Variants in ENOX1 observed in about 807,000 individuals in gnomAD.
ENOX1 encodes the protein ecto-NOX disulfide-thiol exchanger 1.
A neutral mutation model predicts 82.5 loss-of-function variants in ENOX1; 42 were observed. The ratio of observed to expected loss-of-function variants is 0.51; its 90% CI spans 0.40 to 0.66. The LOEUF is 0.66. Ranked by LOEUF, ENOX1 falls within the 30% of genes least tolerant of loss-of-function variation. ENOX1 has a pLI of 0.00. For synonymous variants in ENOX1, 271 were observed against 282.2 expected (o/e 0.96, Z 0.40); for missense variants, 608 against 811.6 (o/e 0.75, Z 3.05).
At chr13:43,406,707 A>T (rs2053821883) in intron 5 of ENOX1, among the ~76,000 whole-genome samples, 1 of 151,944 alleles carries the variant, frequency 6.6e-6, no homozygotes, top group Non-Finnish European at 1.5e-5. Flanking sequence ...GTTAGCCAGG[A>T]TAGTCTCAAT....
intron 15 of ENOX1, among the ~76,000 whole-genome samples, chr13:43,232,298 G>T (rs950200804): frequency 3.9e-5 from 6 of 152,010 alleles, no homozygotes; most frequent in African/African-American, 7.3e-5. Context: ...AATGAAGACG[G>T]ATTATTCTTA....
At chr13:43,231,545 G>A (rs538574290) in intron 15 of ENOX1, among the ~76,000 whole-genome samples, 4 of 152,134 alleles carry the variant, frequency 2.6e-5, no homozygotes, top group South Asian at 2.1e-4. Context: ...TTATTTTTTC[G>A]ATTAAACCCC....
chr13:43,418,396 T>C (rs1052557151), intron 3 of ENOX1, among the ~76,000 whole-genome samples: 3 of 151,664 alleles, frequency 2.0e-5, no homozygotes, highest in Non-Finnish European at 4.4e-5. Flanking sequence ...GGTGTGGTGG[T>C]GCATGCTTGT....
chr13:43,545,139 C>G (rs1294443139), intron 2 of ENOX1: 1 of 152,208 alleles, frequency 6.6e-6, no homozygotes, highest in Non-Finnish European at 1.5e-5. Context: ...GGTAGGGGCA[C>G]AACCTTCAAT....
intron 12 of ENOX1, 90 bp from the exon 13 acceptor site, chr13:43,269,667 A>G (rs2153481467): frequency 9.8e-7 from 1 of 1,023,330 alleles, no homozygotes; most frequent in South Asian, 1.4e-5. Flanking sequence ...TTATGAGTAG[A>G]AGATGTTTAC....
At chr13:43,629,029 G>A (rs2083091660) in intron 2 of ENOX1, among the ~76,000 whole-genome samples, 1 of 152,176 alleles carries the variant, frequency 6.6e-6, no homozygotes, top group African/African-American at 2.4e-5. Context: ...TTGTTAGGTA[G>A]AAGTGGAAAT....
chr13:43,473,354 T>G (rs974110970), intron 3 of ENOX1, among the ~76,000 whole-genome samples: 2 of 152,182 alleles, frequency 1.3e-5, no homozygotes, highest in African/African-American at 4.8e-5. Context: ...CTTTTCTTTT[T>G]TGGGGGGATT....
At chr13:43,666,599 A>G (rs1486247613) in intron 2 of ENOX1, among the ~76,000 whole-genome samples, 1 of 152,198 alleles carries the variant, frequency 6.6e-6, no homozygotes, top group Non-Finnish European at 1.5e-5. Flanking sequence ...CCTAGAAGGA[A>G]GCAACCCTGC....
chr13:43,390,684 A>G (rs1008052501), intron 5 of ENOX1, among the ~76,000 whole-genome samples: 10 of 152,154 alleles, frequency 6.6e-5, no homozygotes, highest in African/African-American at 2.4e-4. Context: ...GTGTACTGTC[A>G]TATCCTAATT....
chr13:43,754,730 G>A (rs1950555257), intron 1 of ENOX1, among the ~76,000 whole-genome samples: 1 of 151,974 alleles, frequency 6.6e-6, no homozygotes, highest in African/African-American at 2.4e-5. Context: ...GGTGACAGGT[G>A]CATGCCACCA....
chr13:43,422,326 C>A (rs1003989156), intron 3 of ENOX1, among the ~76,000 whole-genome samples: 2 of 152,102 alleles, frequency 1.3e-5, no homozygotes, highest in Admixed American at 1.3e-4. Flanking sequence ...TCTCCAGACC[C>A]ATTAAGCAGT....
chr13:43,463,043 G>C (rs1247104545), intron 3 of ENOX1, among the ~76,000 whole-genome samples: 1 of 152,138 alleles, frequency 6.6e-6, no homozygotes, highest in Non-Finnish European at 1.5e-5. Context: ...CAGGTAGAAT[G>C]CTATTTTCTA....
intron 16 of ENOX1, among the ~76,000 whole-genome samples, chr13:43,219,368 C>A (rs979877426): frequency 2.0e-5 from 3 of 152,192 alleles, no homozygotes; most frequent in African/African-American, 4.8e-5. Context: ...ACTATGAAAT[C>A]TTTTCCCCAT....
chr13:43,432,052 C>G (rs1214728088), intron 3 of ENOX1, among the ~76,000 whole-genome samples: 2 of 152,128 alleles, frequency 1.3e-5, no homozygotes, highest in Admixed American at 6.6e-5. Flanking sequence ...TCCTGTTTTG[C>G]AGAAATCACA....
chr13:43,441,127 T>A (rs1287036105), intron 3 of ENOX1, among the ~76,000 whole-genome samples: 3 of 152,238 alleles, frequency 2.0e-5, no homozygotes, highest in Non-Finnish European at 2.9e-5. Flanking sequence ...ATATTTCTAA[T>A]GTAAGATCAG....
chr13:43,355,348 T>C (rs1269151093), intron 8 of ENOX1, among the ~76,000 whole-genome samples: 1 of 152,232 alleles, frequency 6.6e-6, no homozygotes, highest in Non-Finnish European at 1.5e-5. Flanking sequence ...TTGCTAGTCA[T>C]CCTGTAAATG....
intron 2 of ENOX1, among the ~76,000 whole-genome samples, chr13:43,580,591 T>G (rs953471138): frequency 6.6e-6 from 1 of 152,240 alleles, no homozygotes; most frequent in Non-Finnish European, 1.5e-5. Context: ...TGTGTCAGCC[T>G]CAGTTAAGCT....
chr13:43,239,145 G>A (rs1463819394), intron 14 of ENOX1, among the ~76,000 whole-genome samples: 1 of 152,178 alleles, frequency 6.6e-6, no homozygotes, highest in African/African-American at 2.4e-5. Context: ...AAGAGTCTTA[G>A]GGTCACCATT....
intron 2 of ENOX1, among the ~76,000 whole-genome samples, chr13:43,608,691 G>A (rs911104378): frequency 6.6e-6 from 1 of 152,136 alleles, no homozygotes. Context: ...ATACCCTGAT[G>A]TCATGATTGC....
Sources: gnomAD v4.1 joint callset for allele counts (sites outside exome capture counted in the v4.1 genomes callset) on GRCh38, gnomAD v4.1.1 for gene constraint, MANE v1.5 for transcripts, NCBI Gene and HGNC (gene_info 2026-07-23, HGNC 2026-07-21) for gene names.